Variants in UNC13D observed in about 807,000 individuals in gnomAD.
The protein encoded by UNC13D is protein unc-13 homolog D.
In UNC13D, 115 loss-of-function variants were observed where a neutral mutation model predicts 151.7. That is an observed-to-expected ratio of 0.76 (90% CI 0.65 to 0.88). The LOEUF is 0.88. Ranked by LOEUF, UNC13D falls within the 40% of genes least tolerant of loss-of-function variation. The pLI, the probability that UNC13D is intolerant of heterozygous loss-of-function variation, is 0.00. For missense variants in UNC13D, 1,369 were observed against 1,438.7 expected (o/e 0.95, Z 0.78); for synonymous variants, 588 against 612.2 (o/e 0.96, Z 0.58).
chr17:75,840,298 G>C lies in UNC13D; in HGVS notation c.785C>G (p.Pro262Arg). Residue 262 changes from proline to arginine, a missense_variant, in exon 10 of 32, where the codon CCC becomes CGC. Transcript: ENST00000207549. The surrounding 1 kb of genome is among the most constrained non-coding windows in gnomAD (Gnocchi z 4.6). ...DLRCREDQWY[P>R]LEPRTETYPD... Reference sequence around the variant, plus strand: ...GTAGGTCTCAGTGCGGGGTTCCAGGGGGTACCACTGGTCCTCTCGGCAGCG... The same window carrying C: ...GTAGGTCTCAGTGCGGGGTTCCAGGCGGTACCACTGGTCCTCTCGGCAGCG... 10 of 1,613,878 alleles carry C rather than the reference G, an allele frequency of 6.2e-6. No homozygotes were observed. Among genetic ancestry groups the C allele is most frequent in the Non-Finnish European group, 8.5e-6 (10 of 1,180,014 alleles).
intron 27 of UNC13D, among the ~76,000 whole-genome samples, chr17:75,830,880 C>A (rs1208288723): frequency 1.3e-5 from 2 of 152,222 alleles, no homozygotes; most frequent in African/African-American, 4.8e-5. Flanking sequence ...CCCCACCCCC[C>A]ATGCGGGCAC....
At chr17:75,828,146 CAGAGA>C (rs889813920) in intron 31 of UNC13D, 60 bp from the exon 32 acceptor site, 157 of 1,547,268 alleles carry the variant, frequency 1.0e-4, no homozygotes, top group Admixed American at 1.4e-4. Flanking sequence ...CTGGTGGTGG[CAGAGA>C]AGAGTGTGTG....
In UNC13D at chr17:75,828,030, A is replaced by C; in HGVS notation, c.3208T>G (p.Phe1070Val). 1.9e-6 allele frequency: 3 copies of C among 1,588,400 alleles called. No homozygotes were observed. The South Asian group carries it at 3.4e-5, about 18-fold the overall frequency. The change falls in exon 32 of 32, where the codon TTT (phenylalanine) becomes GTT (valine). Residue 1070 changes from phenylalanine to valine, a missense_variant. Phe to Val is a conservative substitution (Grantham distance 50). Coordinates refer to ENST00000207549, the MANE Select transcript of UNC13D (RefSeq NM_199242.3). ...GRKGDREAQV[F>V]VRLRRHRAKQ... ...GCCCGGTGCCGCCGCAGCCTCACAA[A>C]GACCTGGGCTTCTCGGTCACCCTTC...
chr17:75,841,143 T>A, intron 6 of UNC13D, 142 bp from the exon 7 acceptor site: 1 of 805,152 alleles, frequency 1.2e-6, no homozygotes, highest in Non-Finnish European at 1.9e-6. Context: ...CCCTTTTTTT[T>A]TTTTTTTTTT....
chr17:75,827,369 G>T lies in UNC13D; in HGVS notation c.*596C>A. The T allele has an allele frequency of 7.7e-7, 1 of 1,294,490 alleles. No individual in the cohort carries two copies. The highest frequency in any genetic ancestry group is 1.5e-5 in the African/African-American group (1 of 67,280). 80.2% of individuals were successfully genotyped at this position (1,294,490 alleles called of 1,614,324 possible). A position where few individuals can be genotyped will look rare whatever the true frequency, so the allele number is the denominator to read the frequency against. On this transcript the variant is annotated 3_prime_UTR_variant, in exon 32 of 32. Coordinates refer to ENST00000207549, the MANE Select transcript of UNC13D (RefSeq NM_199242.3). ...GCTTCCGTCTGTCTGTGCCAGCCCT[G>T]CCGCCTGCCAGCTCTTGCTCCCTCA... is the stretch of plus-strand genomic sequence containing the variant.
Position 75,834,064 on chromosome 17 carries a change from G to A in UNC13D, c.2367+11C>T, listed in dbSNP as rs552308458. 4 of 1,613,644 alleles carry A rather than the reference G, an allele frequency of 2.5e-6. No homozygotes were observed. In the South Asian group the frequency reaches 3.3e-5, roughly 13 times the overall value. On this transcript the variant is annotated intron_variant, in intron 24 of 31. Coordinates refer to ENST00000207549, the MANE Select transcript of UNC13D (RefSeq NM_199242.3). ...GGGTGGTGAAGGCCAGCAGGCAGAA[G>A]GGCCACTTACATCCTCAGGCAGGAC...
rs760660823 is a variant in UNC13D at position 75,843,519 on chromosome 17, T to G, written c.118A>C (p.Ile40Leu). The stretch of plus-strand genomic sequence containing the variant: ...GAGAAGTGGTGGGATGGAGGCTGGA[T>G]CTGCAGAGCAAGGTGGAAAGGCAGT... ...QDPPPQMAPE[I>L]QPPSHHFSPE... The change falls in exon 2 of 32, where the codon ATC becomes CTC. Residue 40 changes from isoleucine to leucine, a missense_variant and splice_region_variant. Coordinates refer to ENST00000207549, the MANE Select transcript of UNC13D (RefSeq NM_199242.3). 6.2e-7 allele frequency: 1 copy of G among 1,611,644 alleles called. No homozygotes were observed. Among genetic ancestry groups the G allele is most frequent in the Non-Finnish European group, 8.5e-7 (1 of 1,179,466 alleles).
chr17:75,841,331 G>A (rs1004515204), intron 6 of UNC13D, among the ~76,000 whole-genome samples: 3 of 151,372 alleles, frequency 2.0e-5, no homozygotes, highest in Non-Finnish European at 4.4e-5. Flanking sequence ...TTTTAGTAGA[G>A]ACGGGGTTTC....
chr17:75,833,124 G>C lies in UNC13D; in HGVS notation c.2368-79C>G. The C allele has an allele frequency of 7.0e-7, 1 of 1,424,038 alleles. No homozygotes were observed. The highest frequency in any genetic ancestry group is 2.0e-5 in the Admixed American group (1 of 50,484). The allele number at this position is 1,424,038 out of a possible 1,614,324, so 88.2% of individuals were successfully genotyped here. A position where few individuals can be genotyped will look rare whatever the true frequency, so the allele number is the denominator to read the frequency against. On this transcript the variant is annotated intron_variant, in intron 24 of 31. Transcript: ENST00000207549. The surrounding 1 kb of genome is among the most constrained non-coding windows in gnomAD (Gnocchi z 4.0). ...CCATCCCCTTCCCCTGACCTGGAGGGAGGAAACAGGGCTGGGAACCGTTCT... is the reference window on the plus strand; with the variant it reads ...CCATCCCCTTCCCCTGACCTGGAGGCAGGAAACAGGGCTGGGAACCGTTCT...
rs200341276 is a variant in UNC13D at position 75,834,671 on chromosome 17, G to A, written c.2038C>T (p.Arg680Trp). Reference protein sequence around the residue: ...ALVYCSLIKARARELSSGQKD... With the variant: ...ALVYCSLIKAWARELSSGQKD... ...TGGCCTGAAGAGAGCTCGCGGGCCCGGGCCTTTATAAGGCTGCAGTACACC... is the reference window on the plus strand; with the variant it reads ...TGGCCTGAAGAGAGCTCGCGGGCCCAGGCCTTTATAAGGCTGCAGTACACC... The change falls in exon 22 of 32, where the codon CGG (arginine) becomes TGG (tryptophan). Residue 680 changes from arginine (R) to tryptophan (W), a missense_variant. Around this residue, in one of 3 missense-constraint regions of UNC13D, gnomAD observed 807 missense variants for 795.5 expected, o/e 1.01. Transcript: ENST00000207549. The A allele has an allele frequency of 9.9e-6, 16 of 1,613,616 alleles. No homozygotes were observed. Among genetic ancestry groups the A allele is most frequent in the Admixed American group, 8.3e-5 (5 of 60,002 alleles).
chr17:75,835,663 T>C lies in UNC13D; in HGVS notation c.1711A>G (p.Met571Val). The change falls in exon 19 of 32, where the codon ATG (methionine) becomes GTG (valine). Residue 571 changes from methionine to valine, a missense_variant. Transcript: ENST00000207549. ...ISLKELCQLR[M>V]SSSERDGVLA... ...GCTGCCCACCTCTCTGAGGAGCTCA[T>C]GCGCAGCTGGCAGAGCTCCTTGAGG... 6.2e-7 allele frequency: 1 copy of C among 1,613,344 alleles called. No homozygotes were observed. The highest frequency in any genetic ancestry group is 1.6e-4 in the Middle Eastern group (1 of 6,062).
Position 75,831,319 on chromosome 17 carries a change from A to T in UNC13D, c.2477T>A (p.Leu826His). 1 of 1,613,036 alleles carries T rather than the reference A, an allele frequency of 6.2e-7. No homozygotes were observed. The highest frequency in any genetic ancestry group is 2.2e-5 in the East Asian group (1 of 44,848). ...GGCGGCCGCCTCCACCAGCACTGTG[A>T]GTGTGTGGGTCCAGAGCAGGGTCAG... ...SLLTLLWTHTLTVLVEAAASQ... is the reference protein window; with the variant it reads ...SLLTLLWTHTHTVLVEAAASQ... Residue 826 changes from leucine (L) to histidine (H), a missense_variant, in exon 26 of 32, where the codon CTC becomes CAC. Coordinates refer to ENST00000207549, the MANE Select transcript of UNC13D (RefSeq NM_199242.3).
chr17:75,834,920 C>G lies in UNC13D; in HGVS notation c.1992G>C (p.Glu664Asp), dbSNP rs1419718331. The G allele has an allele frequency of 1.9e-6, 3 of 1,614,004 alleles. No homozygotes were observed. Among genetic ancestry groups the G allele is most frequent in the South Asian group, 2.2e-5 (2 of 91,088 alleles). Residue 664 changes from glutamate to aspartate, a missense_variant and splice_region_variant, in exon 21 of 32, where the codon GAG becomes GAC. Physicochemically the swap from Glu to Asp is conservative, Grantham distance 45 (BLOSUM62 2). Around this residue, in one of 3 missense-constraint regions of UNC13D, gnomAD observed 807 missense variants for 795.5 expected, o/e 1.01. Transcript: ENST00000207549. Reference sequence around the variant, plus strand: ...GAAGGACACGTGGAAGATGCCGCACCTCCACAAACTTGACGGTAATCATGA... The same window carrying G: ...GAAGGACACGTGGAAGATGCCGCACGTCCACAAACTTGACGGTAATCATGA... ...EAFMITVKFV[E>D]DTCRLALVYC...
In UNC13D at chr17:75,844,263, T is replaced by C. The variant is rs1472941898; in HGVS notation, c.75A>G (p.Arg25=). ...LRQAIKIRRR[R]VRDLQDPPPQ... is the part of the protein sequence containing the mutation. ...GCGGGGGATCCTGTAGATCTCTGACTCTGCGGCGCCTTATCTTGATGGCCT... is the reference window on the plus strand; with the variant it reads ...GCGGGGGATCCTGTAGATCTCTGACCCTGCGGCGCCTTATCTTGATGGCCT... The change falls in exon 1 of 32, where the codon AGA becomes AGG. Residue 25 remains arginine, a synonymous_variant. Transcript: ENST00000207549. 1 of 1,612,656 alleles carries C rather than the reference T, an allele frequency of 6.2e-7. No homozygotes were observed. Among genetic ancestry groups the C allele is most frequent in the Non-Finnish European group, 8.5e-7 (1 of 1,179,940 alleles).
intron 12 of UNC13D, among the ~76,000 whole-genome samples, chr17:75,839,147 A>C (rs2064930403): frequency 6.6e-6 from 1 of 151,960 alleles, no homozygotes; most frequent in Admixed American, 6.5e-5. Flanking sequence ...TCATGCCTAT[A>C]ATCTCAGCAC....
Position 75,830,565 on chromosome 17 carries a change from G to A in UNC13D, c.2709+13C>T, listed in dbSNP as rs1354667483. The A allele has an allele frequency of 6.4e-7, 1 of 1,565,764 alleles. No homozygotes were observed. Among genetic ancestry groups the A allele is most frequent in the African/African-American group, 1.4e-5 (1 of 73,862 alleles). On this transcript the variant is annotated intron_variant, in intron 28 of 31. Transcript: ENST00000207549. Reference sequence around the variant, plus strand: ...GGGCCTGCAGAGGGCGCAGTGCGAGGGAGGGGCCTCACCTGCTGCTGGATT... The same window carrying A: ...GGGCCTGCAGAGGGCGCAGTGCGAGAGAGGGGCCTCACCTGCTGCTGGATT...
At chr17:75,830,323 C>G in intron 29 of UNC13D, 39 bp downstream of exon 29, 1 of 1,585,502 alleles carries the variant, frequency 6.3e-7, no homozygotes, top group Non-Finnish European at 8.6e-7. Flanking sequence ...AGGGCCAGGA[C>G]GGGACCATGG....
intron 11 of UNC13D, 32 bp downstream of exon 11, chr17:75,839,986 C>T: frequency 6.2e-7 from 1 of 1,613,504 alleles, no homozygotes; most frequent in South Asian, 1.1e-5. Context: ...GAAGGGCAGC[C>T]CCGGCTGCGC....
chr17:75,836,026 G>A lies in UNC13D; in HGVS notation c.1530C>T (p.Asp510=), dbSNP rs1567819129. 1 of 1,614,072 alleles carries A rather than the reference G, an allele frequency of 6.2e-7. No individual in the cohort carries two copies. Among genetic ancestry groups the A allele is most frequent in the Non-Finnish European group, 8.5e-7 (1 of 1,180,034 alleles). ...TATCTGCTCACTTGTGGAAGATCTTGTCCCATGTGCGCTGGCACTGGTGCA... is the reference window on the plus strand; with the variant it reads ...TATCTGCTCACTTGTGGAAGATCTTATCCCATGTGCGCTGGCACTGGTGCA... The part of the protein sequence containing the change: ...GDLHQCQRTW[D]KIFHNTLKIH... Residue 510 remains aspartate, a synonymous_variant, in exon 17 of 32, where the codon GAC becomes GAT. Coordinates refer to ENST00000207549, the MANE Select transcript of UNC13D (RefSeq NM_199242.3).
Sources: allele counts gnomAD v4.1 joint callset (sites outside exome capture counted in the v4.1 genomes callset), GRCh38; gene constraint gnomAD v4.1.1; regional missense constraint gnomAD v4.1.1; non-coding constraint Gnocchi (gnomAD v3.1); transcripts MANE v1.5; gene names NCBI Gene and HGNC (gene_info 2026-07-23, HGNC 2026-07-21).